SCAPER: variants seen among roughly 807,000 people sequenced by gnomAD.
The protein encoded by SCAPER is S-phase cyclin A associated protein in the ER, also known as S phase cyclin A-associated protein in the endoplasmic reticulum.
SCAPER carries 98 observed loss-of-function variants against 182.2 expected under a neutral mutation model. The observed-to-expected ratio is 0.54, with a 90% CI of 0.46 to 0.64. The LOEUF (loss-of-function observed/expected upper bound fraction) is 0.64. SCAPER is among the 30% of genes least tolerant of loss of function. The pLI, the probability that SCAPER is intolerant of heterozygous loss-of-function variation, is 0.00. For synonymous variants in SCAPER, 605 were observed against 564.6 expected, an observed-to-expected ratio of 1.07 and a Z score of -1.01; for missense variants, 1,432 against 1,690.0, an observed-to-expected ratio of 0.85 and a Z score of 2.68.
rs1055397035 is a variant in SCAPER, at chr15:76,732,999, T to A, written c.2022+230A>T. On this transcript the variant is annotated intron_variant, in intron 16 of 31. Coordinates refer to ENST00000563290, the MANE Select transcript of SCAPER (RefSeq NM_020843.4). ...CGCCTTACCCTGCCCGTTTGTCTTGTATCCAATAAATATCAGCACAGCCTG... is the reference window on the plus strand; with the variant it reads ...CGCCTTACCCTGCCCGTTTGTCTTGAATCCAATAAATATCAGCACAGCCTG... Among the ~76,000 whole-genome samples, 19 of 152,280 alleles carry A rather than the reference T, an allele frequency of 1.2e-4. 1 individual carries two copies. Among genetic ancestry groups the A allele is most frequent in the African/African-American group, 4.1e-4 (17 of 41,550 alleles).
At chr15:76,547,703 A>G (rs1249253065) in intron 23 of SCAPER, among the ~76,000 whole-genome samples, 2 of 129,984 alleles carry the variant, frequency 1.5e-5, no homozygotes, top group African/African-American at 6.0e-5. Flanking sequence ...ACATCCACTC[A>G]TTGATTGATT....
At chr15:76,682,870 C>T (rs2057809746) in intron 20 of SCAPER, among the ~76,000 whole-genome samples, 1 of 151,878 alleles carries the variant, frequency 6.6e-6, no homozygotes, top group South Asian at 2.1e-4. Flanking sequence ...AATGAAACCC[C>T]AAGGGCACCA....
At chr15:76,392,935 G>A (rs2043807651) in intron 27 of SCAPER, among the ~76,000 whole-genome samples, 1 of 152,180 alleles carries the variant, frequency 6.6e-6, no homozygotes, top group African/African-American at 2.4e-5. Flanking sequence ...CTTGTCCCCT[G>A]TGAGAATGGT....
At chr15:76,545,385 A>C (rs983289761) in intron 23 of SCAPER, among the ~76,000 whole-genome samples, 28 of 152,184 alleles carry the variant, frequency 1.8e-4, no homozygotes, top group African/African-American at 6.5e-4. Flanking sequence ...CATTTTAAGA[A>C]GAATACTTAG....
chr15:76,570,506 A>T (rs1448347031), intron 23 of SCAPER, among the ~76,000 whole-genome samples: 1 of 151,534 alleles, frequency 6.6e-6, no homozygotes, highest in Admixed American at 6.6e-5. Context: ...TTTTATTGTC[A>T]TCAGTGGAAG....
At position 76,702,035 on chromosome 15, in the gene SCAPER, A is replaced by G. The variant is rs540462101; in HGVS notation, c.2401-170T>C. ...AATTCTGAGAATCCTCTAGAAGGCA[A>G]ATGGTTAAAAAAAAAGACTTGGGAG... On this transcript the variant is annotated intron_variant, in intron 19 of 31. Coordinates refer to ENST00000563290, the MANE Select transcript of SCAPER (RefSeq NM_020843.4). 4.6e-5 allele frequency among the ~76,000 whole-genome samples: 7 copies of G among 152,146 alleles called. No homozygotes were observed. In the South Asian group the frequency reaches 1.2e-3, roughly 27 times the overall value.
At chr15:76,671,779 A>C (rs550733373) in intron 20 of SCAPER, among the ~76,000 whole-genome samples, 9 of 152,064 alleles carry the variant, frequency 5.9e-5, no homozygotes, top group Non-Finnish European at 1.3e-4. Context: ...AAAAAAAAAA[A>C]AAGAAGTGAG....
intron 21 of SCAPER, among the ~76,000 whole-genome samples, chr15:76,627,673 T>A (rs540707279): frequency 6.6e-6 from 1 of 152,346 alleles, no homozygotes; most frequent in South Asian, 2.1e-4. Flanking sequence ...TGTCCCACAT[T>A]TTCTTTATCC....
chr15:76,817,790 T>G (rs2067207911), intron 5 of SCAPER, among the ~76,000 whole-genome samples: 1 of 152,066 alleles, frequency 6.6e-6, no homozygotes. Context: ...AGATCTATAT[T>G]AGGAAAACAA....
intron 17 of SCAPER, among the ~76,000 whole-genome samples, chr15:76,708,657 C>T (rs2059398546): frequency 6.6e-6 from 1 of 151,996 alleles, no homozygotes; most frequent in South Asian, 2.1e-4. Context: ...ACCAGAAACA[C>T]AACATAGAAA....
At chr15:76,721,493 T>G (rs925729041) in intron 17 of SCAPER, among the ~76,000 whole-genome samples, 1 of 152,016 alleles carries the variant, frequency 6.6e-6, no homozygotes, top group Non-Finnish European at 1.5e-5. Flanking sequence ...GGGGATGGCA[T>G]TGAATCTATA....
chr15:76,820,084 A>G (rs954602739), intron 5 of SCAPER, among the ~76,000 whole-genome samples: 50 of 152,238 alleles, frequency 3.3e-4, no homozygotes, highest in African/African-American at 1.0e-3. Flanking sequence ...AAAAGTCAGG[A>G]AACAACAGGT....
intron 23 of SCAPER, among the ~76,000 whole-genome samples, chr15:76,560,106 G>C (rs1263468921): frequency 6.6e-6 from 1 of 150,674 alleles, no homozygotes; most frequent in East Asian, 1.9e-4. Context: ...CTTAATGTTT[G>C]TGTGCCCCTC....
chr15:76,848,625 T>A (rs1342270245), intron 4 of SCAPER, among the ~76,000 whole-genome samples: 1 of 152,104 alleles, frequency 6.6e-6, no homozygotes, highest in Non-Finnish European at 1.5e-5. Context: ...TGAGCCACCA[T>A]GCCCGGGCAA....
chr15:76,832,966 T>G (rs3099135), intron 5 of SCAPER, among the ~76,000 whole-genome samples: 147,798 of 152,212 alleles, frequency 0.97, 71,886 homozygotes, highest in South Asian at 1. Context: ...GAACTAATAC[T>G]CAGAAACTGT....
At chr15:76,728,488 G>A (rs548599795) in intron 17 of SCAPER, 107 bp downstream of exon 17, 30 of 1,453,322 alleles carry the variant, frequency 2.1e-5, no homozygotes, top group South Asian at 1.2e-4. Flanking sequence ...GGGGAACATC[G>A]CAAAACCTCA....
chr15:76,537,431 G>C (rs1045207032), intron 23 of SCAPER, among the ~76,000 whole-genome samples: 31 of 152,150 alleles, frequency 2.0e-4, no homozygotes, highest in African/African-American at 7.2e-4. Context: ...ACAACTATCT[G>C]ATCTTTGACA....
intron 15 of SCAPER, among the ~76,000 whole-genome samples, chr15:76,740,793 T>C (rs1436467564): frequency 6.6e-6 from 1 of 152,060 alleles, no homozygotes; most frequent in Non-Finnish European, 1.5e-5. Context: ...TTTACATATA[T>C]AAGGAAAACT....
Position 76,742,298 on chromosome 15 carries a change from C to T in SCAPER, c.1867-8914G>A, listed in dbSNP as rs556549224. Among the ~76,000 whole-genome samples the T allele has an allele frequency of 2.0e-5, 3 of 150,946 alleles. No individual in the cohort carries two copies. In the South Asian group the frequency reaches 6.3e-4, roughly 31 times the overall value. On this transcript the variant is annotated intron_variant, in intron 15 of 31. Coordinates refer to ENST00000563290, the MANE Select transcript of SCAPER (RefSeq NM_020843.4). Reference sequence around the variant, plus strand: ...AGAAATTTGGGGATTTACAAAAGTACAAAATAGGTAATCTATAAAACAGGT... The same window carrying T: ...AGAAATTTGGGGATTTACAAAAGTATAAAATAGGTAATCTATAAAACAGGT...
Sources: allele counts gnomAD v4.1 joint callset (sites outside exome capture counted in the v4.1 genomes callset), GRCh38; gene constraint gnomAD v4.1.1; transcripts MANE v1.5; gene names NCBI Gene and HGNC (gene_info 2026-07-23, HGNC 2026-07-21).